The following LONP1 variants were observed in gnomAD, a reference collection of about 807,000 sequenced individuals.
LONP1 encodes the protein lon protease homolog, mitochondrial.
In LONP1, 31 loss-of-function variants were observed where a neutral mutation model predicts 98.5. The ratio of observed to expected loss-of-function variants is 0.31; its 90% CI spans 0.24 to 0.42. The LOEUF is 0.42. Ranked by LOEUF, LONP1 falls within the 20% of genes least tolerant of loss-of-function variation. The pLI is 1.00. For synonymous variants in LONP1, 781 were observed against 594.7 expected, an observed-to-expected ratio of 1.31 and a Z score of -4.56; for missense variants, 1,336 against 1,350.6, an observed-to-expected ratio of 0.99 and a Z score of 0.17.
At position 5,707,814 on chromosome 19, in the gene LONP1, C is replaced by T; in HGVS notation, c.945G>A (p.Leu315=). The change falls in exon 6 of 18, where the codon CTG becomes CTA. Residue 315 remains leucine, a synonymous_variant. Coordinates refer to ENST00000360614, the MANE Select transcript of LONP1 (RefSeq NM_004793.4). The part of the protein sequence containing the change: ...ALNPLYRESV[L]QMMQAGQRVV... ...CCCGCTGGCCAGCCTGCATCATCTG[C>T]AGCACTGACTCCCTGGGGGACAAAG... 6.2e-7 allele frequency: 1 copy of T among 1,613,112 alleles called. No individual in the cohort carries two copies. The highest frequency in any genetic ancestry group is 8.5e-7 in the Non-Finnish European group (1 of 1,179,892).
At chr19:5,698,067 CCT>C (rs1315950001) in intron 10 of LONP1, among the ~76,000 whole-genome samples, 2 of 150,070 alleles carry the variant, frequency 1.3e-5, no homozygotes, top group Non-Finnish European at 3.0e-5. Context: ...CTGTCCTCCC[CCT>C]CACACCCCCC....
At chr19:5,713,532 T>C (rs1283909246) in intron 2 of LONP1, among the ~76,000 whole-genome samples, 1 of 152,184 alleles carries the variant, frequency 6.6e-6, no homozygotes, top group African/African-American at 2.4e-5. Context: ...TCTTCTATGC[T>C]ATCACAGAGC....
chr19:5,719,779 G>T lies in LONP1; in HGVS notation c.354C>A (p.Pro118=). Residue 118 remains proline (P), a synonymous_variant, in exon 1 of 18, where the codon CCC becomes CCA. Coordinates refer to ENST00000360614, the MANE Select transcript of LONP1 (RefSeq NM_004793.4). ...VITALTPMTI[P]DVFPHLPLIA... is the part of the protein sequence containing the mutation. ...TGAGCGGCAGGTGCGGAAACACATCGGGGATCGTCATGGGCGTGAGCGCCG... is the reference window on the plus strand; with the variant it reads ...TGAGCGGCAGGTGCGGAAACACATCTGGGATCGTCATGGGCGTGAGCGCCG... The T allele has an allele frequency of 6.2e-7, 1 of 1,613,354 alleles. No homozygotes were observed. The highest frequency in any genetic ancestry group is 8.5e-7 in the Non-Finnish European group (1 of 1,179,994).
intron 11 of LONP1, 95 bp downstream of exon 11, chr19:5,696,575 G>C (rs1458430708): frequency 1.5e-6 from 2 of 1,374,468 alleles, no homozygotes; most frequent in Non-Finnish European, 2.0e-6. Context: ...GATGGCCCCT[G>C]AGTTGGCTCG....
In LONP1 at chr19:5,705,997, G is replaced by A. The variant is rs962664567; in HGVS notation, c.1147-5C>T. ...CTGCTTGATCTTCTCCTCCACCTGTGGGGTGAGGTGCTGCCATCAGGCCCT... is the reference window on the plus strand; with the variant it reads ...CTGCTTGATCTTCTCCTCCACCTGTAGGGTGAGGTGCTGCCATCAGGCCCT... On this transcript the variant is annotated splice_region_variant and splice_polypyrimidine_tract_variant and intron_variant, in intron 7 of 17. Transcript: ENST00000360614. The A allele has an allele frequency of 3.7e-6, 6 of 1,605,962 alleles. No individual in the cohort carries two copies. In the African/African-American group the frequency reaches 6.7e-5, roughly 18 times the overall value.
intron 4 of LONP1, among the ~76,000 whole-genome samples, chr19:5,711,240 C>T (rs189618546): frequency 1.3e-5 from 2 of 152,300 alleles, no homozygotes; most frequent in East Asian, 1.9e-4. Flanking sequence ...GGAGCTGACA[C>T]GCTTCAGGCC....
rs1330551083 is a variant in LONP1, at chr19:5,694,588, G to A, written c.2155-36C>T. On this transcript the variant is annotated intron_variant, in intron 14 of 17. Coordinates refer to ENST00000360614, the MANE Select transcript of LONP1 (RefSeq NM_004793.4). ...AGGGCAACACAATGGGCACGGGAAG[G>A]TGGGGTGACAGGTGCGGGGTGGTGG... The A allele has an allele frequency of 1.9e-6, 3 of 1,569,764 alleles. No homozygotes were observed. The South Asian group carries it at 3.3e-5, about 17-fold the overall frequency.
At chr19:5,699,331 G>T (rs545853872) in intron 9 of LONP1, 126 bp from the exon 10 acceptor site, 2 of 712,014 alleles carry the variant, frequency 2.8e-6, no homozygotes, top group Non-Finnish European at 4.1e-6. Context: ...AGGATTGTCC[G>T]GGAGGCTGAG....
intron 8 of LONP1, among the ~76,000 whole-genome samples, chr19:5,704,604 A>G (rs1328087328): frequency 6.6e-6 from 1 of 152,190 alleles, no homozygotes; most frequent in Non-Finnish European, 1.5e-5. Context: ...CCTGGGCTGA[A>G]AACAGAGCAT....
At chr19:5,698,626 C>T (rs893766102) in intron 10 of LONP1, among the ~76,000 whole-genome samples, 5 of 152,172 alleles carry the variant, frequency 3.3e-5, no homozygotes, top group African/African-American at 9.6e-5. Flanking sequence ...CCACAGGCTT[C>T]GGGGTGGGGG....
intron 2 of LONP1, 111 bp downstream of exon 2, chr19:5,714,072 C>T (rs756122788): frequency 5.2e-6 from 4 of 775,848 alleles, no homozygotes; most frequent in Non-Finnish European, 8.4e-6. Context: ...GGAGGTCTTC[C>T]CTGGTTTCCT....
chr19:5,697,559 AG>A (rs1338186425), intron 10 of LONP1, among the ~76,000 whole-genome samples: 1 of 62,160 alleles, frequency 1.6e-5, no homozygotes, highest in African/African-American at 6.7e-5. Flanking sequence ...TGGAGAGGGA[AG>A]GGGGTAGAGG....
At chr19:5,706,550 T>C (rs2055148231) in intron 7 of LONP1, among the ~76,000 whole-genome samples, 1 of 152,000 alleles carries the variant, frequency 6.6e-6, no homozygotes, top group African/African-American at 2.4e-5. Context: ...GAGGCTGTAG[T>C]GAGCTGAGAT....
At position 5,701,287 on chromosome 19, in the gene LONP1, T is replaced by G. The variant is rs137855976; in HGVS notation, c.1368-360A>C. On this transcript the variant is annotated intron_variant, in intron 8 of 17. Transcript: ENST00000360614. ...GGTGAAACCCTGTCTCTACTAAAAA[T>G]ACAAAAAATGCTTCTGCCTCTGCCT... Among the ~76,000 whole-genome samples, 517 of 152,120 alleles carry G rather than the reference T, an allele frequency of 3.4e-3. 4 individuals are homozygous for G. Among genetic ancestry groups the G allele is most frequent in the African/African-American group, 0.012 (490 of 41,536 alleles).
rs569655281 is a variant in LONP1, at chr19:5,705,148, C to T, written c.1367+624G>A. Among the ~76,000 whole-genome samples, 532 of 150,024 alleles carry T rather than the reference C, an allele frequency of 3.5e-3. 5 individuals are homozygous for T. The highest frequency in any genetic ancestry group is 0.013 in the African/African-American group (520 of 40,640). ...CTGTACTCCAGCCTGGACAACAGAG[C>T]AAGACTCTGTCTTAAAAAAAAAAAA... On this transcript the variant is annotated intron_variant, in intron 8 of 17. Transcript: ENST00000360614.
chr19:5,695,530 C>T (rs925767329), intron 13 of LONP1, among the ~76,000 whole-genome samples: 8 of 152,276 alleles, frequency 5.3e-5, no homozygotes, highest in East Asian at 1.9e-4. Context: ...CCAGGGGACA[C>T]GAGGATGCTG....
intron 9 of LONP1, 151 bp downstream of exon 9, chr19:5,700,638 G>T: frequency 9.1e-7 from 1 of 1,104,870 alleles, no homozygotes; most frequent in Non-Finnish European, 1.3e-6. Flanking sequence ...GGCAGGGCAG[G>T]ATGCTACCTC....
intron 1 of LONP1, among the ~76,000 whole-genome samples, chr19:5,716,206 T>C (rs2055314877): frequency 6.8e-6 from 1 of 147,242 alleles, no homozygotes; most frequent in Non-Finnish European, 1.5e-5. Flanking sequence ...ACCCCATCTC[T>C]ATTTTCTTTT....
At chr19:5,710,342 G>C (rs1314770808) in intron 4 of LONP1, among the ~76,000 whole-genome samples, 1 of 151,646 alleles carries the variant, frequency 6.6e-6, no homozygotes, top group East Asian at 1.9e-4. Flanking sequence ...GCCCACCTCG[G>C]CCTCCCAAAG....
Sources: allele counts gnomAD v4.1 joint callset (sites outside exome capture counted in the v4.1 genomes callset), GRCh38; gene constraint gnomAD v4.1.1; transcripts MANE v1.5; gene names NCBI Gene and HGNC (gene_info 2026-07-23, HGNC 2026-07-21).